The following SEMA3A variants were observed in gnomAD, a reference collection of about 807,000 sequenced individuals.
SEMA3A encodes the protein semaphorin-3A.
Under a neutral mutation model 97.9 loss-of-function variants are expected in SEMA3A, and 29 were observed. The observed-to-expected ratio is 0.30, with a 90% CI of 0.22 to 0.40. The LOEUF (loss-of-function observed/expected upper bound fraction) is 0.40, where lower values mean the gene tolerates loss of function less well. Ranked by LOEUF, SEMA3A falls within the 10% of genes least tolerant of loss-of-function variation. The pLI, the probability that SEMA3A is intolerant of heterozygous loss-of-function variation, is 1.00. For synonymous variants in SEMA3A, 321 were observed against 323.7 expected, an observed-to-expected ratio of 0.99 and a Z score of 0.09; for missense variants, 763 against 951.3, an observed-to-expected ratio of 0.80 and a Z score of 2.60.
chr7:84,004,312 A>AAAT (rs1447484835), intron 11 of SEMA3A, among the ~76,000 whole-genome samples: 1 of 152,144 alleles, frequency 6.6e-6, no homozygotes, highest in Admixed American at 6.6e-5. Context: ...TTCATTCTGA[A>AAAT]AATATACCTG....
intron 3 of SEMA3A, among the ~76,000 whole-genome samples, chr7:84,280,055 G>T (rs1449670639): frequency 3.9e-5 from 6 of 152,032 alleles, no homozygotes; most frequent in Admixed American, 3.9e-4. Flanking sequence ...ATGCCACCAT[G>T]TCTGGCTGAT....
At position 84,278,169 on chromosome 7, in the gene SEMA3A, C is replaced by T. The variant is rs1482616912; in HGVS notation, c.-83+29038G>A. On this transcript the variant is annotated intron_variant, in intron 3 of 3. Coordinates refer to the SEMA3A transcript ENST00000424555. ...GTCTCAAGTTCAAAGTTCCACAGGT[C>T]CCTAGGGCAGGGGTACAATACAGCC... 3.3e-5 allele frequency among the ~76,000 whole-genome samples: 5 copies of T among 152,186 alleles called. No homozygotes were observed. The South Asian group carries it at 1.0e-3, about 32-fold the overall frequency.
intron 1 of SEMA3A, among the ~76,000 whole-genome samples, chr7:84,145,915 C>T (rs1462579612): frequency 6.6e-6 from 1 of 152,124 alleles, no homozygotes; most frequent in African/African-American, 2.4e-5. Flanking sequence ...AGTTTGCAGT[C>T]CCTAATCTTG....
intron 3 of SEMA3A, among the ~76,000 whole-genome samples, chr7:84,274,164 A>G (rs932068918): frequency 1.3e-5 from 2 of 152,022 alleles, no homozygotes; most frequent in African/African-American, 4.8e-5. Flanking sequence ...TAAAATTTCT[A>G]TTTCCAGCAT....
chr7:84,172,135 C>T (rs1027142339), intron 1 of SEMA3A, among the ~76,000 whole-genome samples: 6 of 152,112 alleles, frequency 3.9e-5, no homozygotes, highest in Admixed American at 2.0e-4. Flanking sequence ...AATAGACCTT[C>T]GCTCTCTAAA....
intron 2 of SEMA3A, among the ~76,000 whole-genome samples, chr7:84,353,334 AC>A (rs59356849): frequency 0.052 from 7,957 of 151,698 alleles, 698 homozygotes; most frequent in African/African-American, 0.18. Flanking sequence ...ATTCATACAT[AC>A]ATAAATATGT....
At chr7:84,306,176 T>G (rs935157882) in intron 3 of SEMA3A, among the ~76,000 whole-genome samples, 1 of 151,900 alleles carries the variant, frequency 6.6e-6, no homozygotes, top group Non-Finnish European at 1.5e-5. Flanking sequence ...TAAATTTTTT[T>G]TGTGTATGTA....
At chr7:84,227,124 CTATT>C (rs1799005155) in intron 3 of SEMA3A, among the ~76,000 whole-genome samples, 1 of 151,536 alleles carries the variant, frequency 6.6e-6, no homozygotes, top group African/African-American at 2.4e-5. Context: ...TTGGCGATAT[CTATT>C]TATATCTATA....
chr7:84,003,314 G>C (rs1271860691), intron 11 of SEMA3A, among the ~76,000 whole-genome samples: 1 of 152,056 alleles, frequency 6.6e-6, no homozygotes, highest in Non-Finnish European at 1.5e-5. Flanking sequence ...CAGTGCTTCT[G>C]ATCATGTCTC....
chr7:84,081,099 A>C (rs62473958), intron 4 of SEMA3A, among the ~76,000 whole-genome samples: 82,126 of 151,742 alleles, frequency 0.54, 22,975 homozygotes, highest in East Asian at 0.61. Context: ...TGATTCATAT[A>C]TATATATGAG....
At chr7:84,331,237 G>C (rs2522373) in intron 2 of SEMA3A, among the ~76,000 whole-genome samples, 14,178 of 152,078 alleles carry the variant, frequency 0.093, 1,998 homozygotes, top group African/African-American at 0.3. Context: ...AGATGACTAA[G>C]GAATTTGCCA....
At chr7:84,243,808 T>C (rs576167300) in intron 3 of SEMA3A, among the ~76,000 whole-genome samples, 1 of 152,332 alleles carries the variant, frequency 6.6e-6, no homozygotes, top group East Asian at 1.9e-4. Context: ...GTCTTTGTTG[T>C]CATTGGTTTC....
intron 1 of SEMA3A, among the ~76,000 whole-genome samples, chr7:84,138,030 T>A (rs1482459573): frequency 6.9e-6 from 1 of 145,370 alleles, no homozygotes; most frequent in Non-Finnish European, 1.5e-5. Context: ...AGTTAATGTA[T>A]CTTTTAAGAG....
At chr7:83,986,184 A>C (rs1394136342) in intron 12 of SEMA3A, among the ~76,000 whole-genome samples, 2 of 152,154 alleles carry the variant, frequency 1.3e-5, no homozygotes, top group African/African-American at 2.4e-5. Flanking sequence ...CATTCCTAAC[A>C]ACACCAGTGG....
intron 13 of SEMA3A, among the ~76,000 whole-genome samples, chr7:83,984,551 A>T (rs1789550045): frequency 6.7e-6 from 1 of 149,042 alleles, no homozygotes; most frequent in Non-Finnish European, 1.5e-5. Context: ...ACAATTTTGT[A>T]TATAAGTTTT....
At position 84,277,151 on chromosome 7, in the gene SEMA3A, G is replaced by A. The variant is rs1039909429; in HGVS notation, c.-83+30056C>T. ...TGTATGAGTCTTTGAAGATGATGAT[G>A]AAGTCTTTTTTGAAAATCAGCAATA... On this transcript the variant is annotated intron_variant, in intron 3 of 3. Coordinates refer to the SEMA3A transcript ENST00000424555. Among the ~76,000 whole-genome samples the A allele has an allele frequency of 5.9e-4, 90 of 152,206 alleles. 1 individual carries two copies. The highest frequency in any genetic ancestry group is 2.0e-3 in the African/African-American group (85 of 41,554).
chr7:84,065,950 A>G (rs981635575), intron 4 of SEMA3A, among the ~76,000 whole-genome samples: 2 of 151,470 alleles, frequency 1.3e-5, no homozygotes, highest in Non-Finnish European at 1.5e-5. Context: ...TACCAAAGCC[A>G]GGCAGAGACA....
At chr7:84,302,041 A>G (rs970991739) in intron 3 of SEMA3A, among the ~76,000 whole-genome samples, 4 of 152,144 alleles carry the variant, frequency 2.6e-5, no homozygotes, top group African/African-American at 4.8e-5. Flanking sequence ...CCATCAAGTG[A>G]ATGAATAACC....
intron 15 of SEMA3A, among the ~76,000 whole-genome samples, 194 bp downstream of exon 15, chr7:83,976,938 T>C (rs1392495845): frequency 2.6e-5 from 4 of 152,190 alleles, no homozygotes; most frequent in African/African-American, 7.2e-5. Flanking sequence ...TAATAAAACA[T>C]AATTTATGAT....
Sources: allele counts gnomAD v4.1 joint callset (sites outside exome capture counted in the v4.1 genomes callset), GRCh38; gene constraint gnomAD v4.1.1; transcripts MANE v1.5; gene names NCBI Gene and HGNC (gene_info 2026-07-23, HGNC 2026-07-21).